The following ESRRG variants were observed in gnomAD, a reference collection of about 807,000 sequenced individuals.
ESRRG encodes the protein estrogen-related receptor gamma.
A neutral mutation model predicts 44.0 loss-of-function variants in ESRRG; 13 were observed. The ratio of observed to expected loss-of-function variants is 0.30; its 90% CI spans 0.19 to 0.47. The LOEUF (loss-of-function observed/expected upper bound fraction) is 0.47. ESRRG is among the 20% of genes least tolerant of loss of function. ESRRG has a pLI of 1.00. For synonymous variants in ESRRG, 215 were observed against 214.6 expected (o/e 1.00, Z -0.02); for missense variants, 395 against 580.6 (o/e 0.68, Z 3.29).
At chr1:216,798,025 T>C (rs901683572) in intron 2 of ESRRG, among the ~76,000 whole-genome samples, 2 of 152,170 alleles carry the variant, frequency 1.3e-5, no homozygotes, top group African/African-American at 2.4e-5. Flanking sequence ...GTAAGCAGTA[T>C]GGTTAGAGCC....
At chr1:216,910,816 T>C (rs1299284571) in intron 2 of ESRRG, among the ~76,000 whole-genome samples, 2 of 152,162 alleles carry the variant, frequency 1.3e-5, no homozygotes, top group African/African-American at 4.8e-5. Flanking sequence ...CCTGTGTACA[T>C]TGATAAGAAT....
chr1:217,052,400 T>C (rs1284906087), intron 1 of ESRRG, among the ~76,000 whole-genome samples: 1 of 152,176 alleles, frequency 6.6e-6, no homozygotes, highest in East Asian at 1.9e-4. Flanking sequence ...GGTTTCATAG[T>C]GACTAAACGC....
intron 1 of ESRRG, among the ~76,000 whole-genome samples, chr1:217,061,056 T>C (rs1019588710): frequency 3.9e-5 from 6 of 152,094 alleles, no homozygotes; most frequent in Admixed American, 3.9e-4. Flanking sequence ...TCTTATGGAT[T>C]TGTGCTTTTT....
chr1:216,527,493 T>C (rs1297882885), intron 5 of ESRRG, among the ~76,000 whole-genome samples: 1 of 151,970 alleles, frequency 6.6e-6, no homozygotes, highest in African/African-American at 2.4e-5. Flanking sequence ...ATTTCTTTCA[T>C]TGTTTGTTCC....
chr1:216,643,300 C>T (rs1226167028), intron 3 of ESRRG, among the ~76,000 whole-genome samples: 1 of 152,142 alleles, frequency 6.6e-6, no homozygotes, highest in Non-Finnish European at 1.5e-5. Flanking sequence ...AGAAAATATA[C>T]TCCATGGACT....
intron 1 of ESRRG, among the ~76,000 whole-genome samples, chr1:216,947,008 C>T (rs1485415170): frequency 1.3e-5 from 2 of 152,096 alleles, no homozygotes; most frequent in Non-Finnish European, 2.9e-5. Flanking sequence ...GATTTCTTTG[C>T]TTCTCTCACA....
intron 3 of ESRRG, among the ~76,000 whole-genome samples, chr1:216,643,522 C>T (rs1341364538): frequency 6.6e-6 from 1 of 152,122 alleles, no homozygotes; most frequent in Admixed American, 6.5e-5. Flanking sequence ...ATTTGTCAAG[C>T]TAAAGGATTT....
At chr1:216,880,408 C>T (rs1479889338) in intron 2 of ESRRG, among the ~76,000 whole-genome samples, 1 of 148,854 alleles carries the variant, frequency 6.7e-6, no homozygotes, top group East Asian at 2.0e-4. Flanking sequence ...AAACAAAACC[C>T]ATGCAGATAA....
chr1:216,726,172 T>G (rs1241297102), upstream of ESRRG, among the ~76,000 whole-genome samples: 1 of 152,192 alleles, frequency 6.6e-6, no homozygotes, highest in Non-Finnish European at 1.5e-5. Flanking sequence ...CTACGCAAGG[T>G]GCAGTGTTCA....
At chr1:217,111,854 A>G (rs1396977769) in intron 1 of ESRRG, among the ~76,000 whole-genome samples, 2 of 152,174 alleles carry the variant, frequency 1.3e-5, no homozygotes, top group African/African-American at 2.4e-5. Flanking sequence ...ATTGAATATG[A>G]GCTATGAGAA....
chr1:216,539,807 T>G (rs1207451395), intron 5 of ESRRG, among the ~76,000 whole-genome samples: 1 of 152,062 alleles, frequency 6.6e-6, no homozygotes, highest in Non-Finnish European at 1.5e-5. Context: ...GCTCAAAATA[T>G]ATTAGCTTGT....
intron 1 of ESRRG, among the ~76,000 whole-genome samples, chr1:217,026,559 G>T (rs1465774067): frequency 6.6e-6 from 1 of 152,126 alleles, no homozygotes; most frequent in African/African-American, 2.4e-5. Context: ...GTGAAATGGT[G>T]GAATGCTTCC....
intron 5 of ESRRG, among the ~76,000 whole-genome samples, chr1:216,560,111 G>C (rs2058419938): frequency 1.3e-5 from 2 of 152,118 alleles, no homozygotes; most frequent in African/African-American, 4.8e-5. Flanking sequence ...TGTTTCTTAT[G>C]TGAATACATA....
chr1:216,521,985 C>T (rs150014198), intron 5 of ESRRG, among the ~76,000 whole-genome samples: 31 of 152,204 alleles, frequency 2.0e-4, no homozygotes, highest in Non-Finnish European at 3.7e-4. Flanking sequence ...TTTAAAGTTG[C>T]ACCGGGCCCC....
intron 1 of ESRRG, among the ~76,000 whole-genome samples, chr1:217,078,596 A>G (rs2091505954): frequency 1.3e-5 from 2 of 152,186 alleles, no homozygotes; most frequent in South Asian, 4.2e-4. Context: ...GAAACCACAC[A>G]CTGTTACTGG....
At chr1:216,741,179 TTTATA>T (rs2152225934) in intron 2 of ESRRG, among the ~76,000 whole-genome samples, 1 of 147,890 alleles carries the variant, frequency 6.8e-6, no homozygotes, top group Admixed American at 6.8e-5. Flanking sequence ...GTCAGGGTAA[TTTATA>T]TTATATTTAT....
At chr1:217,123,699 A>G (rs2092852187) in intron 1 of ESRRG, among the ~76,000 whole-genome samples, 1 of 152,212 alleles carries the variant, frequency 6.6e-6, no homozygotes, top group Non-Finnish European at 1.5e-5. Context: ...TGGGAGCTGA[A>G]CAATGATAAC....
Position 217,126,374 on chromosome 1 carries a change from T to C in ESRRG, c.-230+11293A>G, listed in dbSNP as rs551315383. On this transcript the variant is annotated intron_variant, in intron 1 of 8. Transcript: ENST00000366940. ...ATTCTATAATATTAAACAAATTATA[T>C]CACGCCAAGTGGTACAGTGCAGAAA... 2.0e-5 allele frequency among the ~76,000 whole-genome samples: 3 copies of C among 152,304 alleles called. No individual in the cohort carries two copies. The South Asian group carries it at 6.2e-4, about 32-fold the overall frequency.
At chr1:216,623,492 C>T (rs2062655764) in intron 3 of ESRRG, among the ~76,000 whole-genome samples, 1 of 152,066 alleles carries the variant, frequency 6.6e-6, no homozygotes, top group African/African-American at 2.4e-5. Context: ...TAAAATATTC[C>T]CTGCCCCTGT....
Sources: allele counts gnomAD v4.1 joint callset (sites outside exome capture counted in the v4.1 genomes callset), GRCh38; gene constraint gnomAD v4.1.1; transcripts MANE v1.5; gene names NCBI Gene and HGNC (gene_info 2026-07-23, HGNC 2026-07-21).